Variants in TCF3 observed in about 807,000 individuals in gnomAD.
TCF3 encodes the protein transcription factor E2-alpha.
In TCF3, 54 loss-of-function variants were observed where a neutral mutation model predicts 72.3. The observed-to-expected ratio is 0.75, with a 90% CI of 0.60 to 0.94. The LOEUF is 0.94. Ranked by LOEUF, TCF3 falls within the 40% of genes least tolerant of loss-of-function variation. TCF3 has a pLI of 0.00. For missense variants in TCF3, 1,078 were observed against 934.4 expected (o/e 1.15, Z -2.00); for synonymous variants, 525 against 412.6 (o/e 1.27, Z -3.30).
At position 1,614,779 on chromosome 19, in the gene TCF3, G is replaced by A. The variant is rs115325493; in HGVS notation, c.1822+506C>T. Among the ~76,000 whole-genome samples, 953 of 152,182 alleles carry A rather than the reference G, an allele frequency of 6.3e-3. 13 individuals are homozygous for A. The highest frequency in any genetic ancestry group is 0.022 in the African/African-American group (896 of 41,524). ...TGGCCCTGGGAAATGGGGGTGATAGGAAGTTTCCCTATCACCTTCAGATAG... is the reference window on the plus strand; with the variant it reads ...TGGCCCTGGGAAATGGGGGTGATAGAAAGTTTCCCTATCACCTTCAGATAG... On this transcript the variant is annotated intron_variant, in intron 18 of 18. Coordinates refer to ENST00000262965, the MANE Select transcript of TCF3 (RefSeq NM_003200.5). This position sits in a 1 kb window ranked among gnomAD's most constrained non-coding sequence, Gnocchi z 5.6.
In TCF3 at chr19:1,613,900, C is replaced by A. The variant is rs78107759; in HGVS notation, c.1822+1385G>T. Reference sequence around the variant, plus strand: ...AGTAGGAGCTCTGAGGTTCCAAGAGCCTGTTCTGTGCCAGGCCCAAGGCTG... The same window carrying A: ...AGTAGGAGCTCTGAGGTTCCAAGAGACTGTTCTGTGCCAGGCCCAAGGCTG... On this transcript the variant is annotated intron_variant, in intron 18 of 18. Transcript: ENST00000262965. Among the ~76,000 whole-genome samples the A allele has an allele frequency of 5.3e-5, 8 of 152,378 alleles. No homozygotes were observed. In the East Asian group the frequency reaches 9.6e-4, roughly 18 times the overall value.
rs1349192826 is a variant in TCF3 at position 1,619,161 on chromosome 19, C to T, written c.1400G>A (p.Ser467Asn). 6.2e-7 allele frequency: 1 copy of T among 1,600,178 alleles called. No individual in the cohort carries two copies. The highest frequency in any genetic ancestry group is 8.5e-7 in the Non-Finnish European group (1 of 1,179,730). ...CAGGTCAGGGAGGGTGCCTGGCTGG[C>T]TGGGGAGGGCCGCGTGGTTGTGCAT... ...SLMHNHAALP[S>N]QPGTLPDLSR... The change falls in exon 16 of 19, where the codon AGC (serine) becomes AAC (asparagine). Residue 467 changes from serine to asparagine, a missense_variant. Transcript: ENST00000262965.
chr19:1,610,701 G>C lies in TCF3; in HGVS notation c.*1006C>G, dbSNP rs951642417. ...CCCTGGGGGCCACAGCTGCTTGGCA[G>C]AGTCACCTGGGAGGGTCAGAGCCAC... On this transcript the variant is annotated 3_prime_UTR_variant, in exon 19 of 19. Coordinates refer to ENST00000262965, the MANE Select transcript of TCF3 (RefSeq NM_003200.5). 3 of 231,078 alleles carry C rather than the reference G, an allele frequency of 1.3e-5. No individual in the cohort carries two copies. The highest frequency in any genetic ancestry group is 2.2e-5 in the African/African-American group (1 of 45,150). The allele number at this position is 231,078 out of a possible 1,614,324, so 14.3% of individuals were successfully genotyped here.
chr19:1,622,887 TCTGA>T (rs2062420300), intron 8 of TCF3, among the ~76,000 whole-genome samples: 1 of 152,146 alleles, frequency 6.6e-6, no homozygotes, highest in South Asian at 2.1e-4. Flanking sequence ...TAGCGCCAGC[TCTGA>T]CTGGTTGGCA....
Position 1,615,887 on chromosome 19 carries a change from C to T in TCF3, c.1451-66G>A. 1 of 1,483,202 alleles carries T rather than the reference C, an allele frequency of 6.7e-7. No individual in the cohort carries two copies. The highest frequency in any genetic ancestry group is 8.9e-7 in the Non-Finnish European group (1 of 1,118,976). The allele number at this position is 1,483,202 out of a possible 1,614,324, so 91.9% of individuals were successfully genotyped here. On this transcript the variant is annotated intron_variant, in intron 16 of 18. Coordinates refer to ENST00000262965, the MANE Select transcript of TCF3 (RefSeq NM_003200.5). The surrounding 1 kb of genome is among the most constrained non-coding windows in gnomAD (Gnocchi z 7.3). ...GGGCCAACTGACATATCTCTTTGTGCTCCTGTGGTGAGGGACTTGGGCTTT... is the reference window on the plus strand; with the variant it reads ...GGGCCAACTGACATATCTCTTTGTGTTCCTGTGGTGAGGGACTTGGGCTTT...
chr19:1,611,813 C>G lies in TCF3; in HGVS notation c.1859G>C (p.Arg620Pro). 1.2e-6 allele frequency: 2 copies of G among 1,613,446 alleles called. No homozygotes were observed. Among genetic ancestry groups the G allele is most frequent in the African/African-American group, 1.3e-5 (1 of 74,856 alleles). The change falls in exon 19 of 19, where the codon CGG becomes CCG. Residue 620 changes from arginine to proline, a missense_variant. Coordinates refer to ENST00000262965, the MANE Select transcript of TCF3 (RefSeq NM_003200.5). ...ACCTGACACCTTTTCCTCTTCTCGC[C>G]GTTTCAAACAGGCTGCTTTGGGATT... is the stretch of plus-strand genomic sequence containing the variant. ...NLNPKAACLKRREEEKVSGVV... is the reference protein window; with the variant it reads ...NLNPKAACLKPREEEKVSGVV...
chr19:1,635,029 G>A (rs192310187), intron 3 of TCF3, among the ~76,000 whole-genome samples: 7 of 152,260 alleles, frequency 4.6e-5, no homozygotes, highest in Admixed American at 2.0e-4. Context: ...AAACCCAATC[G>A]ACAGACTTCA....
intron 7 of TCF3, among the ~76,000 whole-genome samples, chr19:1,624,816 C>CT (rs1308735461): frequency 6.6e-6 from 1 of 152,124 alleles, no homozygotes; most frequent in Non-Finnish European, 1.5e-5. Flanking sequence ...GAGCCACGAT[C>CT]TTTTACGTTT....
In TCF3 at chr19:1,610,444, G is replaced by A. The variant is rs2060903584; in HGVS notation, c.*1263C>T. On this transcript the variant is annotated 3_prime_UTR_variant, in exon 19 of 19. Coordinates refer to ENST00000262965, the MANE Select transcript of TCF3 (RefSeq NM_003200.5). ...GGTGGGGTGGGGTGGGGGGTGTCCT[G>A]TGCTGGCTCCTGAGCAGCATCCTCT... 3.9e-5 allele frequency: 9 copies of A among 231,180 alleles called. No individual in the cohort carries two copies. In the East Asian group the frequency reaches 4.9e-4, roughly 13 times the overall value. The allele number at this position is 231,180 out of a possible 1,614,324, so 14.3% of individuals were successfully genotyped here.
At chr19:1,617,872 C>T (rs1055839646) in intron 16 of TCF3, among the ~76,000 whole-genome samples, 1 of 152,196 alleles carries the variant, frequency 6.6e-6, no homozygotes, top group African/African-American at 2.4e-5. Context: ...CTCCCCTCAG[C>T]CCTGACAACT....
In TCF3 at chr19:1,625,602, C is replaced by T. The variant is rs554419240; in HGVS notation, c.473G>A (p.Arg158Gln). 256 of 1,584,862 alleles carry T rather than the reference C, an allele frequency of 1.6e-4. 2 individuals are homozygous for T. Among genetic ancestry groups the T allele is most frequent in the Admixed American group, 6.5e-4 (37 of 56,846 alleles). The change falls in exon 7 of 19, where the codon CGG becomes CAG. Residue 158 changes from arginine (R) to glutamine (Q), a missense_variant. Transcript: ENST00000262965. ...TAGGCTGCCGTCTGCCGCTCTCCGC[C>T]GGGAGCTGCCGGAGTAGGAGGGGTA... ...QYYPSYSGSSRRRAADGSLDT... is the reference protein window; with the variant it reads ...QYYPSYSGSSQRRAADGSLDT...
intron 18 of TCF3, chr19:1,612,323 A>T: frequency 1.2e-6 from 2 of 1,613,916 alleles, no homozygotes; most frequent in Non-Finnish European, 1.7e-6. Flanking sequence ...CAGCTCCCGG[A>T]AGGCCTCGTT....
At position 1,645,389 on chromosome 19, in the gene TCF3, C is replaced by T. The variant is rs7255178; in HGVS notation, c.145+966G>A. Among the ~76,000 whole-genome samples the T allele has an allele frequency of 9.3e-3, 1,413 of 152,222 alleles. 52 individuals carry two copies. Among genetic ancestry groups the T allele is most frequent in the East Asian group, 0.089 (456 of 5,150 alleles). ...AATCCTGTCGACAGCCAGCCTGGGC[C>T]GCCCAAATGCACATCAGACTAGACC... is the stretch of plus-strand genomic sequence containing the variant. On this transcript the variant is annotated intron_variant, in intron 3 of 18. Coordinates refer to ENST00000262965, the MANE Select transcript of TCF3 (RefSeq NM_003200.5).
intron 14 of TCF3, 37 bp from the exon 15 acceptor site, chr19:1,619,511 C>T (rs1391415894): frequency 1.3e-6 from 2 of 1,547,370 alleles, no homozygotes; most frequent in Non-Finnish European, 1.7e-6. Context: ...GGGGCCCAAG[C>T]CGAGGGACCC....
Position 1,611,789 on chromosome 19 carries a change from C to G in TCF3, c.1883G>C (p.Gly628Ala), listed in dbSNP as rs1568309127. ...CACCATCTGGGGGTCTCCAACCACA[C>G]CTGACACCTTTTCCTCTTCTCGCCG... ...LKRREEEKVSGVVGDPQMVLS... is the reference protein window; with the variant it reads ...LKRREEEKVSAVVGDPQMVLS... Residue 628 changes from glycine to alanine, a missense_variant, in exon 19 of 19, where the codon GGT (glycine) becomes GCT (alanine). Coordinates refer to ENST00000262965, the MANE Select transcript of TCF3 (RefSeq NM_003200.5). 1 of 1,613,648 alleles carries G rather than the reference C, an allele frequency of 6.2e-7. No individual in the cohort carries two copies. The highest frequency in any genetic ancestry group is 8.5e-7 in the Non-Finnish European group (1 of 1,179,962).
chr19:1,648,164 G>T (rs1303799631), intron 2 of TCF3, among the ~76,000 whole-genome samples: 3 of 152,202 alleles, frequency 2.0e-5, no homozygotes, highest in African/African-American at 7.2e-5. Flanking sequence ...GTATTTATTT[G>T]GAGTTCCCTG....
At position 1,651,670 on chromosome 19, in the gene TCF3, A is replaced by AG. The variant is rs1457637603; in HGVS notation, c.-40+629dup. Among the ~76,000 whole-genome samples, 337 of 151,310 alleles carry AG rather than the reference A, an allele frequency of 2.2e-3. 4 individuals are homozygous for AG. Among genetic ancestry groups the AG allele is most frequent in the African/African-American group, 7.9e-3 (325 of 41,164 alleles). On this transcript the variant is annotated intron_variant, in intron 1 of 18. Transcript: ENST00000262965. ...GCTGGAACGCCTTTTTCCCGGGGGG[A>AG]GGCGGCCCGGGAAGCCGGACCCCCC...
chr19:1,613,086 G>A (rs2061198775), intron 18 of TCF3, among the ~76,000 whole-genome samples: 1 of 151,942 alleles, frequency 6.6e-6, no homozygotes. Flanking sequence ...CATGGCTGGT[G>A]TGGGTGTGGA....
At chr19:1,612,125 C>G in intron 18 of TCF3, 1 of 1,397,210 alleles carries the variant, frequency 7.2e-7, no homozygotes, top group Non-Finnish European at 9.6e-7. Context: ...CCGGGGGCGG[C>G]AAGCACAGGA....
Sources: allele counts gnomAD v4.1 joint callset (sites outside exome capture counted in the v4.1 genomes callset), GRCh38; gene constraint gnomAD v4.1.1; non-coding constraint Gnocchi (gnomAD v3.1); transcripts MANE v1.5; gene names NCBI Gene and HGNC (gene_info 2026-07-23, HGNC 2026-07-21).